Variants in LDLRAD1 observed in about 807,000 individuals in gnomAD.
LDLRAD1 encodes the protein low density lipoprotein receptor class A domain containing 1.
In LDLRAD1, 17 loss-of-function variants were observed where a neutral mutation model predicts 24.8. That is an observed-to-expected ratio of 0.69 (90% CI 0.47 to 1.03). LDLRAD1 has a LOEUF of 1.03. Among genes scored for constraint, LDLRAD1 ranks in the 50% least tolerant of loss-of-function variants. The pLI is 0.00. For missense variants in LDLRAD1, 277 were observed against 271.0 expected (o/e 1.02, Z -0.16); for synonymous variants, 103 against 108.2 (o/e 0.95, Z 0.30).
intron 2 of LDLRAD1, among the ~76,000 whole-genome samples, chr1:54,015,904 C>T (rs1306319746): frequency 6.6e-6 from 1 of 152,134 alleles, no homozygotes; most frequent in African/African-American, 2.4e-5. Context: ...ATCCGCCCAC[C>T]TTGGCCTCCC....
chr1:54,014,604 G>A (rs1656219445), intron 2 of LDLRAD1, among the ~76,000 whole-genome samples: 1 of 152,192 alleles, frequency 6.6e-6, no homozygotes. Flanking sequence ...CTGAATGGCA[G>A]AGGCGGACAG....
At position 54,007,462 on chromosome 1, in the gene LDLRAD1, T is replaced by C. The variant is rs1020248312; in HGVS notation, c.*1520A>G. 1.4e-4 allele frequency: 22 copies of C among 152,086 alleles called. No homozygotes were observed. The highest frequency in any genetic ancestry group is 5.3e-4 in the African/African-American group (22 of 41,414). The allele number at this position is 152,086 out of a possible 1,614,324, so 9.4% of individuals were successfully genotyped here. ...TATTTTATTTTTATTAAAAAGAAAT[T>C]TTTTGAGACAGGGTTTGTTGCCCAG... On this transcript the variant is annotated 3_prime_UTR_variant, in exon 6 of 6. Coordinates refer to ENST00000371360, the MANE Select transcript of LDLRAD1 (RefSeq NM_001010978.4).
chr1:54,015,604 C>T (rs1280083959), intron 2 of LDLRAD1, among the ~76,000 whole-genome samples: 2 of 151,576 alleles, frequency 1.3e-5, no homozygotes, highest in Non-Finnish European at 2.9e-5. Context: ...CCCTGTGACC[C>T]CAGGGCCCAG....
chr1:54,010,148 G>T, intron 5 of LDLRAD1, 134 bp downstream of exon 5: 1 of 958,280 alleles, frequency 1.0e-6, no homozygotes, highest in Non-Finnish European at 1.5e-6. Context: ...ATGTATTCAA[G>T]CAGGGGTAGA....
At chr1:54,009,731 C>T (rs1655967989) in intron 5 of LDLRAD1, among the ~76,000 whole-genome samples, 1 of 152,108 alleles carries the variant, frequency 6.6e-6, no homozygotes, top group African/African-American at 2.4e-5. Context: ...CTGAGCACCC[C>T]ACCAATGCTC....
chr1:54,008,724 A>T lies in LDLRAD1; in HGVS notation c.*258T>A. On this transcript the variant is annotated 3_prime_UTR_variant, in exon 6 of 6. Transcript: ENST00000371360. ...ACCGCCATGCCTGGCTAATTTTTGTATTTTTGGTAGAGACGGGGTTCCACC... is the reference window on the plus strand; with the variant it reads ...ACCGCCATGCCTGGCTAATTTTTGTTTTTTTGGTAGAGACGGGGTTCCACC... The T allele has an allele frequency of 2.6e-6, 1 of 386,818 alleles. No individual in the cohort carries two copies. Among genetic ancestry groups the T allele is most frequent in the Non-Finnish European group, 4.8e-6 (1 of 210,198 alleles). The allele number at this position is 386,818 out of a possible 1,614,324, so 24.0% of individuals were successfully genotyped here. A position where few individuals can be genotyped will look rare whatever the true frequency, so the allele number is the denominator to read the frequency against.
At chr1:54,015,649 T>A in intron 2 of LDLRAD1, among the ~76,000 whole-genome samples, 1 of 127,040 alleles carries the variant, frequency 7.9e-6, no homozygotes, top group African/African-American at 2.8e-5. Context: ...GCTTTTGTTT[T>A]TTTTGTTTTT....
At position 54,014,286 on chromosome 1, in the gene LDLRAD1, G is replaced by C. The variant is rs867095762; in HGVS notation, c.152C>G (p.Ala51Gly). Residue 51 changes from alanine to glycine, a missense_variant, in exon 3 of 6, where the codon GCG becomes GGG. Ala to Gly is a moderately conservative substitution (Grantham distance 60). Transcript: ENST00000371360. ...ASLLLLLATV[A>G]ALIALVTILG... ...AATGGTGACCAAGGCGATGAGGGCC[G>C]CCACAGTTGCCAGGAGGAGCAGCAG... is the stretch of plus-strand genomic sequence containing the variant. The C allele has an allele frequency of 3.9e-6, 6 of 1,551,298 alleles. No homozygotes were observed. Among genetic ancestry groups the C allele is most frequent in the Non-Finnish European group, 5.2e-6 (6 of 1,147,344 alleles).
At chr1:54,013,730 C>A (rs1041715312) in intron 3 of LDLRAD1, among the ~76,000 whole-genome samples, 1 of 152,150 alleles carries the variant, frequency 6.6e-6, no homozygotes, top group Admixed American at 6.5e-5. Context: ...TCCCAGGGAC[C>A]CCGCTGTAAT....
chr1:54,016,792 A>G (rs1223631013), intron 2 of LDLRAD1, among the ~76,000 whole-genome samples: 2 of 152,194 alleles, frequency 1.3e-5, no homozygotes, highest in Admixed American at 6.5e-5. Context: ...AGGATTAAAG[A>G]GATCATGCAG....
Position 54,012,137 on chromosome 1 carries a change from A to G in LDLRAD1, c.340+6T>C, listed in dbSNP as rs1325243006. 3.7e-6 allele frequency: 6 copies of G among 1,613,498 alleles called. No individual in the cohort carries two copies. The South Asian group carries it at 4.4e-5, about 12-fold the overall frequency. On this transcript the variant is annotated splice_donor_region_variant and intron_variant, in intron 4 of 5. Transcript: ENST00000371360. ...CTGGGAGGGGCAGCACCGAGCGGGT[A>G]CTCACGGCACAAGCTCTCATCCTCG...
rs111862115 is a variant in LDLRAD1, at chr1:54,014,228, G to A, written c.202+8C>T. ...GGGTCTGACCCACCCTCTCTTGGCC[G>A]CCCTGACCTGGGGTGCATGATGGGA... On this transcript the variant is annotated splice_region_variant and intron_variant, in intron 3 of 5. Transcript: ENST00000371360. 1,144 of 1,570,112 alleles carry A rather than the reference G, an allele frequency of 7.3e-4. 6 individuals are homozygous for A. In the African/African-American group the frequency reaches 0.012, roughly 16 times the overall value.
Position 54,017,417 on chromosome 1 carries a change from C to A in LDLRAD1, c.32G>T (p.Gly11Val), listed in dbSNP as rs141274711. 54 of 1,602,570 alleles carry A rather than the reference C, an allele frequency of 3.4e-5. No homozygotes were observed. The African/African-American group carries it at 6.2e-4, about 18-fold the overall frequency. ...GGCTTTGGATTCAGCAGCAGTGTAG[C>A]CATTCTCTCCCTGCCCAAGAGAACA... MNKVFPQGEN[G>V]YTAAESKAHP... Residue 11 changes from glycine (G) to valine (V), a missense_variant, in exon 2 of 6, where the codon GGC becomes GTC. Coordinates refer to ENST00000371360, the MANE Select transcript of LDLRAD1 (RefSeq NM_001010978.4).
chr1:54,014,350 G>A lies in LDLRAD1; in HGVS notation c.88C>T (p.Leu30Phe). ...HPGGEAGGGH[L>F]CCSRRGACLS... Reference sequence around the variant, plus strand: ...CAGGCCCCGCGACGTGAGCAGCAGAGGTGGCCGCCGCCTGCTGTGTGGGGG... The same window carrying A: ...CAGGCCCCGCGACGTGAGCAGCAGAAGTGGCCGCCGCCTGCTGTGTGGGGG... Residue 30 changes from leucine (L) to phenylalanine (F), a missense_variant, in exon 3 of 6, where the codon CTC becomes TTC. By Grantham distance (22) the Leu-to-Phe change is conservative (BLOSUM62 0). Coordinates refer to ENST00000371360, the MANE Select transcript of LDLRAD1 (RefSeq NM_001010978.4). 6.5e-7 allele frequency: 1 copy of A among 1,547,734 alleles called. No homozygotes were observed. The highest frequency in any genetic ancestry group is 1.4e-5 in the African/African-American group (1 of 72,982).
Position 54,008,924 on chromosome 1 carries a change from T to C in LDLRAD1, c.*58A>G, listed in dbSNP as rs1256007317. 6 of 1,518,214 alleles carry C rather than the reference T, an allele frequency of 4.0e-6. No individual in the cohort carries two copies. The highest frequency in any genetic ancestry group is 1.2e-5 in the South Asian group (1 of 82,996). The allele number at this position is 1,518,214 out of a possible 1,614,324, so 94.0% of individuals were successfully genotyped here. The stretch of plus-strand genomic sequence containing the variant: ...CTTGTGCGCTAGGATTTGATTTTCA[T>C]GTGAAGGGTTATCAGTGCCATTCCA... On this transcript the variant is annotated 3_prime_UTR_variant, in exon 6 of 6. Transcript: ENST00000371360.
rs112213016 is a variant in LDLRAD1 at position 54,017,297 on chromosome 1, C to T, written c.73+79G>A. The T allele has an allele frequency of 1.0e-3, 1,221 of 1,210,658 alleles. 4 individuals carry two copies. The African/African-American group carries it at 0.015, about 15-fold the overall frequency. 75.0% of individuals were successfully genotyped at this position (1,210,658 alleles called of 1,614,324 possible). A position where few individuals can be genotyped will look rare whatever the true frequency, so the allele number is the denominator to read the frequency against. ...TGAGGGACAGTGGGAGCCTTGAACC[C>T]TCCTCATGTCTCTATCGCCAACTGC... is the stretch of plus-strand genomic sequence containing the variant. On this transcript the variant is annotated intron_variant, in intron 2 of 5. Coordinates refer to ENST00000371360, the MANE Select transcript of LDLRAD1 (RefSeq NM_001010978.4).
chr1:54,008,889 G>A lies in LDLRAD1; in HGVS notation c.*93C>T. 1 of 1,069,346 alleles carries A rather than the reference G, an allele frequency of 9.4e-7. No homozygotes were observed. Among genetic ancestry groups the A allele is most frequent in the Non-Finnish European group, 1.3e-6 (1 of 788,648 alleles). 66.2% of individuals were successfully genotyped at this position (1,069,346 alleles called of 1,614,324 possible). The stretch of plus-strand genomic sequence containing the variant: ...ATGTGTAGATCCCATTTCAAAGGCT[G>A]CTTCCTGCCCTTGTGCGCTAGGATT... On this transcript the variant is annotated 3_prime_UTR_variant, in exon 6 of 6. Coordinates refer to ENST00000371360, the MANE Select transcript of LDLRAD1 (RefSeq NM_001010978.4).
intron 2 of LDLRAD1, among the ~76,000 whole-genome samples, chr1:54,015,623 C>A (rs988843708): frequency 6.6e-6 from 1 of 151,348 alleles, no homozygotes; most frequent in Non-Finnish European, 1.5e-5. Flanking sequence ...AGCCCAGAGC[C>A]AGGCACGTGG....
rs1165672315 is a variant in LDLRAD1 at position 54,007,609 on chromosome 1, C to CT, written c.*1372dup. On this transcript the variant is annotated 3_prime_UTR_variant, in exon 6 of 6. Transcript: ENST00000371360. ...AAGCATGCACCACCCCACCCAGCTA[C>CT]TTTTTTCCTATTTTTTGTAGAGACA... 1 of 152,182 alleles carries CT rather than the reference C, an allele frequency of 6.6e-6. No individual in the cohort carries two copies. The highest frequency in any genetic ancestry group is 1.5e-5 in the Non-Finnish European group (1 of 68,104). The allele number at this position is 152,182 out of a possible 1,614,324, so 9.4% of individuals were successfully genotyped here.
Sources: gnomAD v4.1 joint callset for allele counts (sites outside exome capture counted in the v4.1 genomes callset) on GRCh38, gnomAD v4.1.1 for gene constraint, MANE v1.5 for transcripts, NCBI Gene and HGNC (gene_info 2026-07-23, HGNC 2026-07-21) for gene names.